The following NAB2 variants were observed in gnomAD, a reference collection of about 807,000 sequenced individuals.
NAB2 encodes NGFI-A binding protein 2, also known as NGFI-A-binding protein 2.
In NAB2, 9 loss-of-function variants were observed where a neutral mutation model predicts 44.2. That is an observed-to-expected ratio of 0.20 (90% CI 0.12 to 0.36). The LOEUF is 0.36. Among genes scored for constraint, NAB2 ranks in the 10% least tolerant of loss-of-function variants. The pLI, the probability that NAB2 is intolerant of heterozygous loss-of-function variation, is 1.00. For synonymous variants in NAB2, 342 were observed against 291.0 expected, an observed-to-expected ratio of 1.18 and a Z score of -1.78; for missense variants, 514 against 709.0, an observed-to-expected ratio of 0.73 and a Z score of 3.12.
At chr12:57,093,936 G>C (rs1298824319) in intron 6 of NAB2, among the ~76,000 whole-genome samples, 1 of 152,132 alleles carries the variant, frequency 6.6e-6, no homozygotes, top group African/African-American at 2.4e-5. Context: ...AGCAGGCTAG[G>C]AGTTGTGGGT....
At chr12:57,092,810 TC>T in intron 3 of NAB2, 106 bp from the exon 4 acceptor site, 1 of 1,478,480 alleles carries the variant, frequency 6.8e-7, no homozygotes, top group Middle Eastern at 1.8e-4. Flanking sequence ...TCGGCCAGCT[TC>T]TTGGCAAAGG....
rs747616892 is a variant in NAB2 at position 57,089,292 on chromosome 12, C to A, written c.21C>A (p.Pro7=). 5.7e-6 allele frequency: 9 copies of A among 1,577,496 alleles called. No homozygotes were observed. The African/African-American group carries it at 9.4e-5, about 17-fold the overall frequency. ...CGTCCATGCACAGAGCGCCTTCCCC[C>A]ACAGCCGAGCAGCCGCCGGGCGGAG... MHRAPS[P]TAEQPPGGGD... Residue 7 remains proline, a synonymous_variant, in exon 1 of 7, where the codon CCC becomes CCA. Transcript: ENST00000300131.
chr12:57,090,317 C>T (rs1474466533), intron 1 of NAB2, among the ~76,000 whole-genome samples: 2 of 152,080 alleles, frequency 1.3e-5, no homozygotes, highest in Non-Finnish European at 2.9e-5. Context: ...AACCCCGTTT[C>T]TACTAAAAAT....
chr12:57,092,885 C>T, intron 3 of NAB2, 32 bp from the exon 4 acceptor site: 1 of 1,613,424 alleles, frequency 6.2e-7, no homozygotes, highest in African/African-American at 1.3e-5. Context: ...CCTCGTCAGC[C>T]TCATCCACTT....
chr12:57,094,092 G>T (rs900165873), intron 6 of NAB2, among the ~76,000 whole-genome samples: 6 of 151,798 alleles, frequency 4.0e-5, no homozygotes, highest in Non-Finnish European at 8.8e-5. Context: ...CACCAACCCT[G>T]GCTTGGTATT....
At chr12:57,090,700 GACTTC>G (rs925899797) in intron 1 of NAB2, among the ~76,000 whole-genome samples, 7 of 152,200 alleles carry the variant, frequency 4.6e-5, no homozygotes, top group Admixed American at 2.6e-4. Context: ...TAGTATGGGT[GACTTC>G]ACTTCAGTGT....
rs758077167 is a variant in NAB2, at chr12:57,093,594, C to G, written c.1464C>G (p.Leu488=). 2 of 1,508,548 alleles carry G rather than the reference C, an allele frequency of 1.3e-6. No homozygotes were observed. The highest frequency in any genetic ancestry group is 2.8e-5 in the African/African-American group (2 of 72,118). The allele number at this position is 1,508,548 out of a possible 1,614,324, so 93.4% of individuals were successfully genotyped here. The change falls in exon 6 of 7, where the codon CTC becomes CTG. Residue 488 remains leucine (L), a synonymous_variant. Coordinates refer to ENST00000300131, the MANE Select transcript of NAB2 (RefSeq NM_005967.4). The stretch of plus-strand genomic sequence containing the variant: ...CCTGTGTGCCTGCGAAGCCACCTCT[C>G]GCAGGTGAGGCAGCCAGCAGTGCTG... ...LSPCVPAKPP[L]AEFEEGLLDR... is the part of the protein sequence containing the mutation.
chr12:57,093,998 C>T (rs1427508060), intron 6 of NAB2, among the ~76,000 whole-genome samples: 1 of 151,856 alleles, frequency 6.6e-6, no homozygotes, highest in Non-Finnish European at 1.5e-5. Context: ...AGCAGTGATG[C>T]TTTGTGTGTG....
Position 57,092,015 on chromosome 12 carries a change from C to T in NAB2, c.957+17C>T, listed in dbSNP as rs2233272. 9.2e-3 allele frequency: 14,554 copies of T among 1,586,164 alleles called. 89 individuals are homozygous for T. The highest frequency in any genetic ancestry group is 0.011 in the Non-Finnish European group (13,208 of 1,164,022). On this transcript the variant is annotated intron_variant, in intron 2 of 6. Coordinates refer to ENST00000300131, the MANE Select transcript of NAB2 (RefSeq NM_005967.4). ...CTGCACGAGGTGAGAACCCCCAGGC[C>T]TCCTAGGATTGCCCTTGACTTCCAG... is the stretch of plus-strand genomic sequence containing the variant.
Position 57,092,978 on chromosome 12 carries a change from C to A in NAB2, c.1143+10C>A, listed in dbSNP as rs1362304138. The A allele has an allele frequency of 6.2e-7, 1 of 1,614,186 alleles. No homozygotes were observed. The highest frequency in any genetic ancestry group is 1.7e-5 in the Admixed American group (1 of 60,024). ...GAAGCTGAAACAAGAGGTATGTTTTCCGGGGTGCATATAGGGGCACTGGGC... is the reference window on the plus strand; with the variant it reads ...GAAGCTGAAACAAGAGGTATGTTTTACGGGGTGCATATAGGGGCACTGGGC... On this transcript the variant is annotated intron_variant, in intron 4 of 6. Coordinates refer to ENST00000300131, the MANE Select transcript of NAB2 (RefSeq NM_005967.4).
At position 57,094,889 on chromosome 12, in the gene NAB2, A is replaced by C; in HGVS notation, c.*168A>C. ...AGACTGTGGGGCTTCAAGCAATAAC[A>C]AGCAGAGGCCTGGAGAGAGGACACA... is the stretch of plus-strand genomic sequence containing the variant. On this transcript the variant is annotated 3_prime_UTR_variant, in exon 7 of 7. Transcript: ENST00000300131. 2 of 615,604 alleles carry C rather than the reference A, an allele frequency of 3.2e-6. No homozygotes were observed. The highest frequency in any genetic ancestry group is 2.8e-6 in the Non-Finnish European group (1 of 351,476). 38.1% of individuals were successfully genotyped at this position (615,604 alleles called of 1,614,324 possible).
rs916489868 is a variant in NAB2, at chr12:57,089,189, C to T, written c.-83C>T. 6.9e-4 allele frequency: 964 copies of T among 1,394,762 alleles called. No individual in the cohort carries two copies. Among genetic ancestry groups the T allele is most frequent in the Non-Finnish European group, 9.0e-4 (910 of 1,013,954 alleles). The allele number at this position is 1,394,762 out of a possible 1,614,324, so 86.4% of individuals were successfully genotyped here. A position where few individuals can be genotyped will look rare whatever the true frequency, so the allele number is the denominator to read the frequency against. On this transcript the variant is annotated 5_prime_UTR_variant, in exon 1 of 7. Transcript: ENST00000300131. Reference sequence around the variant, plus strand: ...GCCTGGACAGCGGTGGACACGGCATCGTGCGCGGGGAAGAGGGCAGCACGC... The same window carrying T: ...GCCTGGACAGCGGTGGACACGGCATTGTGCGCGGGGAAGAGGGCAGCACGC...
chr12:57,092,650 T>G, intron 3 of NAB2, 69 bp downstream of exon 3: 1 of 1,574,596 alleles, frequency 6.4e-7, no homozygotes, highest in Non-Finnish European at 8.7e-7. Context: ...GTCCTAACCT[T>G]CAGCTCAGGC....
At chr12:57,093,970 G>A (rs2033265010) in intron 6 of NAB2, among the ~76,000 whole-genome samples, 1 of 152,140 alleles carries the variant, frequency 6.6e-6, no homozygotes, top group African/African-American at 2.4e-5. Flanking sequence ...TGCCCAGCTT[G>A]GAAGCAGAGG....
chr12:57,094,755 A>C lies in NAB2; in HGVS notation c.*34A>C. 6.6e-7 allele frequency: 1 copy of C among 1,517,356 alleles called. No homozygotes were observed. The allele number at this position is 1,517,356 out of a possible 1,614,324, so 94.0% of individuals were successfully genotyped here. On this transcript the variant is annotated 3_prime_UTR_variant, in exon 7 of 7. Transcript: ENST00000300131. ...CTGGTGTCTTCAGACCCAGGACCTCAGACTTCTGGCTCACACAGACCCCCA... is the reference window on the plus strand; with the variant it reads ...CTGGTGTCTTCAGACCCAGGACCTCCGACTTCTGGCTCACACAGACCCCCA...
intron 1 of NAB2, 138 bp from the exon 2 acceptor site, chr12:57,090,987 G>C (rs990810181): frequency 4.3e-6 from 3 of 698,682 alleles, no homozygotes; most frequent in Non-Finnish European, 6.9e-6. Flanking sequence ...ACTCAGACCT[G>C]GGCACTGGGC....
intron 1 of NAB2, among the ~76,000 whole-genome samples, chr12:57,089,581 G>A (rs1353368978): frequency 6.6e-6 from 1 of 152,050 alleles, no homozygotes; most frequent in African/African-American, 2.4e-5. Flanking sequence ...TCCATTCCTG[G>A]TTTACTCTGT....
rs1366078093 is a variant in NAB2 at position 57,095,033 on chromosome 12, A to G, written c.*312A>G. 3.0e-6 allele frequency: 1 copy of G among 332,180 alleles called. No homozygotes were observed. The highest frequency in any genetic ancestry group is 5.6e-6 in the Non-Finnish European group (1 of 178,760). The allele number at this position is 332,180 out of a possible 1,614,324, so 20.6% of individuals were successfully genotyped here. The stretch of plus-strand genomic sequence containing the variant: ...ACACTCCCATTCTCTTTAGGTTTGC[A>G]CCAGTGGTGTGAGCAGTTGGACTCA... On this transcript the variant is annotated 3_prime_UTR_variant, in exon 7 of 7. Coordinates refer to ENST00000300131, the MANE Select transcript of NAB2 (RefSeq NM_005967.4).
At position 57,095,253 on chromosome 12, in the gene NAB2, C is replaced by A. The variant is rs1161814412; in HGVS notation, c.*532C>A. On this transcript the variant is annotated 3_prime_UTR_variant, in exon 7 of 7. Coordinates refer to ENST00000300131, the MANE Select transcript of NAB2 (RefSeq NM_005967.4). The stretch of plus-strand genomic sequence containing the variant: ...GTTTGCCCTCCCATTCCCATCTATC[C>A]CCCAAGTCCTTTGCAATTTCTTCCC... 6.5e-6 allele frequency: 1 copy of A among 154,314 alleles called. No homozygotes were observed. Among genetic ancestry groups the A allele is most frequent in the African/African-American group, 2.4e-5 (1 of 41,434 alleles). The allele number at this position is 154,314 out of a possible 1,614,324, so 9.6% of individuals were successfully genotyped here.
Sources: gnomAD v4.1 joint callset for allele counts (sites outside exome capture counted in the v4.1 genomes callset) on GRCh38, gnomAD v4.1.1 for gene constraint, MANE v1.5 for transcripts, NCBI Gene and HGNC (gene_info 2026-07-23, HGNC 2026-07-21) for gene names.